Variants in HDAC1 observed in about 807,000 individuals in gnomAD.
HDAC1 encodes protein deacetylase HDAC1.
In HDAC1, 18 loss-of-function variants were observed where a neutral mutation model predicts 65.5. The observed-to-expected ratio is 0.27, with a 90% CI of 0.19 to 0.41. The LOEUF is 0.41. HDAC1 is among the 10% of genes least tolerant of loss of function. The pLI is 1.00. For missense variants in HDAC1, 373 were observed against 625.2 expected, an observed-to-expected ratio of 0.60 and a Z score of 4.30; for synonymous variants, 211 against 227.9, an observed-to-expected ratio of 0.93 and a Z score of 0.67.
intron 1 of HDAC1, among the ~76,000 whole-genome samples, chr1:32,299,921 G>T (rs1258440310): frequency 6.6e-6 from 1 of 152,178 alleles, no homozygotes; most frequent in Non-Finnish European, 1.5e-5. Flanking sequence ...AGCCGGGCTT[G>T]ATGGCAGGCA....
chr1:32,325,634 G>A (rs1257325648), intron 4 of HDAC1, among the ~76,000 whole-genome samples: 2 of 152,142 alleles, frequency 1.3e-5, no homozygotes, highest in East Asian at 3.8e-4. Flanking sequence ...GCTTTCTTGT[G>A]GCTCTATGAT....
At chr1:32,292,871 G>C (rs1295953462) in intron 1 of HDAC1, among the ~76,000 whole-genome samples, 3 of 152,110 alleles carry the variant, frequency 2.0e-5, no homozygotes, top group African/African-American at 7.2e-5. Context: ...GAGTGTTAGG[G>C]GAGCACAGAG....
intron 3 of HDAC1, among the ~76,000 whole-genome samples, chr1:32,322,914 T>A (rs1163811512): frequency 6.6e-6 from 1 of 152,192 alleles, no homozygotes; most frequent in Non-Finnish European, 1.5e-5. Flanking sequence ...GATATCTGGC[T>A]TGTCCAGCTC....
At chr1:32,326,322 C>T (rs1419525627) in intron 4 of HDAC1, among the ~76,000 whole-genome samples, 2 of 151,900 alleles carry the variant, frequency 1.3e-5, no homozygotes, top group African/African-American at 4.8e-5. Context: ...TCACCACGCC[C>T]AGCTAAATTT....
intron 3 of HDAC1, among the ~76,000 whole-genome samples, chr1:32,323,696 C>A (rs1302223808): frequency 6.6e-6 from 1 of 152,156 alleles, no homozygotes. Flanking sequence ...CTGTGCCAGG[C>A]CTTGTTTCCC....
intron 1 of HDAC1, 120 bp from the exon 2 acceptor site, chr1:32,302,501 C>A: frequency 3.7e-5 from 15 of 410,832 alleles, no homozygotes; most frequent in Non-Finnish European, 4.7e-5. Context: ...GGGAGAGAAT[C>A]TTGGAAACTA....
chr1:32,296,797 C>A (rs1640772187), intron 1 of HDAC1, among the ~76,000 whole-genome samples: 1 of 152,046 alleles, frequency 6.6e-6, no homozygotes, highest in Non-Finnish European at 1.5e-5. Flanking sequence ...TGGAAAATAG[C>A]CAGAAGAGAG....
intron 1 of HDAC1, among the ~76,000 whole-genome samples, chr1:32,297,777 ATTTTTTTTTTTTTT>A (rs71571709): frequency 1.2e-4 from 9 of 72,154 alleles, no homozygotes; most frequent in African/African-American, 2.5e-4. Context: ...CGCCTGGCTA[ATTTTTTTTTTTTTT>A]TTTTTTTTTT....
intron 2 of HDAC1, among the ~76,000 whole-genome samples, chr1:32,305,586 C>T (rs1045443441): frequency 6.6e-6 from 1 of 151,130 alleles, no homozygotes; most frequent in African/African-American, 2.4e-5. Context: ...AACCTTTTTG[C>T]CCATTTTCCC....
At chr1:32,297,838 G>A (rs1303134900) in intron 1 of HDAC1, among the ~76,000 whole-genome samples, 8 of 133,886 alleles carry the variant, frequency 6.0e-5, no homozygotes, top group Non-Finnish European at 1.2e-4. Flanking sequence ...CACCCAGGCT[G>A]GAGCGCAGTG....
intron 6 of HDAC1, among the ~76,000 whole-genome samples, chr1:32,328,240 C>A (rs1641245471): frequency 6.6e-6 from 1 of 152,104 alleles, no homozygotes; most frequent in African/African-American, 2.4e-5. Flanking sequence ...TTTGCCATGC[C>A]TGGTAGCCCT....
chr1:32,293,552 G>T (rs190634355), intron 1 of HDAC1, among the ~76,000 whole-genome samples: 1 of 151,834 alleles, frequency 6.6e-6, no homozygotes, highest in Non-Finnish European at 1.5e-5. Context: ...CAGATCACTC[G>T]GGGCCAGGAG....
chr1:32,297,755 C>T (rs1432362426), intron 1 of HDAC1, among the ~76,000 whole-genome samples: 6 of 140,918 alleles, frequency 4.3e-5, no homozygotes, highest in Non-Finnish European at 7.5e-5. Context: ...GGACTGGAGG[C>T]GCATGACACT....
chr1:32,332,152 GA>G lies in HDAC1; in HGVS notation c.1283del (p.Glu428GlyfsTer66). The stretch of plus-strand genomic sequence containing the variant: ...GTTCTCCGATTCTGAAGAGGAGGGA[GA>G]GGGGGGCCGCAAGAACTCTTCCAAC... ...EEFSDSEEEG[E>X]GGRKNSSNFK... On this transcript the variant is annotated frameshift_variant, in exon 12 of 14. Transcript: ENST00000373548. LOFTEE classifies it high-confidence loss of function. The G allele has an allele frequency of 1.2e-6, 2 of 1,613,492 alleles. No individual in the cohort carries two copies. Among genetic ancestry groups the G allele is most frequent in the East Asian group, 2.2e-5 (1 of 44,880 alleles).
intron 1 of HDAC1, among the ~76,000 whole-genome samples, chr1:32,300,395 A>G (rs987182387): frequency 2.0e-5 from 3 of 151,926 alleles, no homozygotes; most frequent in African/African-American, 7.2e-5. Flanking sequence ...CACCTCTACT[A>G]AATATGAAAA....
chr1:32,328,381 G>C (rs1019125001), intron 6 of HDAC1, among the ~76,000 whole-genome samples: 2 of 151,718 alleles, frequency 1.3e-5, no homozygotes, highest in Middle Eastern at 3.4e-3. Flanking sequence ...GCGTGATCTC[G>C]GTTCACTGCA....
At chr1:32,306,830 A>G (rs375043388) in intron 2 of HDAC1, among the ~76,000 whole-genome samples, 24 of 152,098 alleles carry the variant, frequency 1.6e-4, no homozygotes, top group East Asian at 5.8e-4. Context: ...TATATGTTAT[A>G]TTTTTTCTAA....
At chr1:32,310,706 C>G (rs1459235097) in intron 2 of HDAC1, among the ~76,000 whole-genome samples, 1 of 151,706 alleles carries the variant, frequency 6.6e-6, no homozygotes, top group Non-Finnish European at 1.5e-5. Context: ...AAAAATTAGC[C>G]GGGAGTGGTG....
chr1:32,299,198 A>C (rs1640812586), intron 1 of HDAC1, among the ~76,000 whole-genome samples: 1 of 152,100 alleles, frequency 6.6e-6, no homozygotes, highest in Admixed American at 6.6e-5. Flanking sequence ...AGTGTCCCTC[A>C]TGCTGTGTGC....
Sources: allele counts gnomAD v4.1 joint callset (sites outside exome capture counted in the v4.1 genomes callset), GRCh38; gene constraint gnomAD v4.1.1; transcripts MANE v1.5; gene names NCBI Gene and HGNC (gene_info 2026-07-23, HGNC 2026-07-21).